The following JAK1 variants were observed in gnomAD, a reference collection of about 807,000 sequenced individuals.
The protein encoded by JAK1 is Janus kinase 1.
Under a neutral mutation model 136.6 loss-of-function variants are expected in JAK1, and 16 were observed. The ratio of observed to expected loss-of-function variants is 0.12; its 90% CI spans 0.08 to 0.18. The LOEUF is 0.18. Among genes scored for constraint, JAK1 ranks in the 10% least tolerant of loss-of-function variants. The pLI, the probability that JAK1 is intolerant of heterozygous loss-of-function variation, is 1.00. For missense variants in JAK1, 859 were observed against 1,450.1 expected (o/e 0.59, Z 6.62); for synonymous variants, 492 against 519.5 (o/e 0.95, Z 0.72).
At chr1:64,860,688 G>A (rs1351629220) in intron 8 of JAK1, among the ~76,000 whole-genome samples, 1 of 151,910 alleles carries the variant, frequency 6.6e-6, no homozygotes, top group Admixed American at 6.6e-5. Context: ...TCCTGACCTC[G>A]AGTGATCTCC....
intron 1 of JAK1, among the ~76,000 whole-genome samples, chr1:65,045,488 G>A (rs1037463328): frequency 2.0e-5 from 3 of 151,522 alleles, no homozygotes; most frequent in Non-Finnish European, 4.4e-5. Context: ...TGTGTGGTGG[G>A]AAGCATGAAA....
intron 1 of JAK1, among the ~76,000 whole-genome samples, chr1:65,063,208 T>A (rs902297622): frequency 2.4e-4 from 36 of 152,138 alleles, no homozygotes; most frequent in African/African-American, 6.7e-4. Context: ...GACAGATGAG[T>A]AGAATCACTA....
intron 1 of JAK1, among the ~76,000 whole-genome samples, chr1:64,918,038 C>T (rs998573950): frequency 6.6e-6 from 1 of 152,174 alleles, no homozygotes; most frequent in South Asian, 2.1e-4. Flanking sequence ...GGCATCACTG[C>T]CCTTTCCTTA....
chr1:64,913,923 G>A (rs1385028895), intron 1 of JAK1, among the ~76,000 whole-genome samples: 1 of 152,214 alleles, frequency 6.6e-6, no homozygotes, highest in African/African-American at 2.4e-5. Context: ...TTGAGAGCAT[G>A]TAGTGGTCCT....
intron 10 of JAK1, 118 bp downstream of exon 10, chr1:64,857,538 C>T: frequency 7.2e-7 from 1 of 1,382,978 alleles, no homozygotes; most frequent in Non-Finnish European, 9.9e-7. Flanking sequence ...TTCTCAGAGA[C>T]CCAGGCTTTT....
At chr1:64,902,751 C>T (rs180752823) in intron 1 of JAK1, among the ~76,000 whole-genome samples, 2 of 151,984 alleles carry the variant, frequency 1.3e-5, no homozygotes. Flanking sequence ...CACCAGACCC[C>T]AATACGCAGT....
intron 1 of JAK1, among the ~76,000 whole-genome samples, chr1:64,946,431 C>T (rs1377491705): frequency 1.3e-5 from 2 of 152,188 alleles, no homozygotes; most frequent in African/African-American, 2.4e-5. Flanking sequence ...ATGATCGGAC[C>T]TCATGCTCTT....
intron 4 of JAK1, among the ~76,000 whole-genome samples, chr1:64,874,861 G>A (rs1292602130): frequency 6.6e-6 from 1 of 152,152 alleles, no homozygotes; most frequent in South Asian, 2.1e-4. Flanking sequence ...GGCCTGAGAT[G>A]TGGAGGGCTC....
chr1:64,952,507 G>A (rs1159344602), intron 1 of JAK1, among the ~76,000 whole-genome samples: 1 of 152,034 alleles, frequency 6.6e-6, no homozygotes, highest in African/African-American at 2.4e-5. Flanking sequence ...CACCTGGCTG[G>A]GTTTATGAGT....
intron 2 of JAK1, chr1:64,985,565 G>T (rs553484899): frequency 1.7e-6 from 2 of 1,153,042 alleles, no homozygotes; most frequent in African/African-American, 1.5e-5. Context: ...CAGACCCCAG[G>T]ATGAATTCCA....
chr1:65,055,951 A>G (rs1324671169), intron 1 of JAK1, among the ~76,000 whole-genome samples: 1 of 152,192 alleles, frequency 6.6e-6, no homozygotes, highest in Non-Finnish European at 1.5e-5. Flanking sequence ...TTATAAAACT[A>G]GTAACGGGGA....
chr1:64,921,478 C>T (rs1570777831), intron 1 of JAK1, among the ~76,000 whole-genome samples: 1 of 152,166 alleles, frequency 6.6e-6, no homozygotes, highest in Admixed American at 6.5e-5. Context: ...ATTAACTTAA[C>T]TGATTTCCAG....
chr1:65,007,563 C>G (rs997772343), intron 2 of JAK1, among the ~76,000 whole-genome samples: 1 of 151,944 alleles, frequency 6.6e-6, no homozygotes, highest in Admixed American at 6.6e-5. Flanking sequence ...CATGTTCAAG[C>G]AATTCTCTTG....
chr1:64,862,754 TCTGGGGG>T (rs1211193061), intron 8 of JAK1, among the ~76,000 whole-genome samples: 1 of 152,196 alleles, frequency 6.6e-6, no homozygotes, highest in African/African-American at 2.4e-5. Context: ...CTTCGGGGTC[TCTGGGGG>T]ATGATAACGC....
At chr1:65,028,252 A>G (rs1646994567) in intron 2 of JAK1, among the ~76,000 whole-genome samples, 1 of 151,924 alleles carries the variant, frequency 6.6e-6, no homozygotes, top group Non-Finnish European at 1.5e-5. Flanking sequence ...ATCCCCTCAC[A>G]ATTCTTATTC....
rs1490687946 is a variant in JAK1, at chr1:64,846,688, T to A, written c.1948A>T (p.Ile650Phe). ...ACACAGACGCCATAGAGGTACACGA[T>A]GTGTTTGTGGGAGACCTGTCTCATC... ...SMMRQVSHKH[I>F]VYLYGVCVRD... The change falls in exon 14 of 25, where the codon ATC (isoleucine) becomes TTC (phenylalanine). Residue 650 changes from isoleucine to phenylalanine, a missense_variant. By Grantham distance (21) the Ile-to-Phe change is conservative (BLOSUM62 0). Around this residue, in one of 4 missense-constraint regions of JAK1, gnomAD observed 409 missense variants for 753.8 expected, o/e 0.54. Coordinates refer to ENST00000342505, the MANE Select transcript of JAK1 (RefSeq NM_002227.4). 6.2e-7 allele frequency: 1 copy of A among 1,613,882 alleles called. No individual in the cohort carries two copies. Among genetic ancestry groups the A allele is most frequent in the East Asian group, 2.2e-5 (1 of 44,856 alleles).
intron 1 of JAK1, among the ~76,000 whole-genome samples, chr1:64,959,701 A>G (rs1196925477): frequency 6.6e-6 from 1 of 152,242 alleles, no homozygotes; most frequent in Non-Finnish European, 1.5e-5. Flanking sequence ...CTTAAAAATA[A>G]GAGTAAAACC....
chr1:64,887,248 G>A (rs550010112), intron 1 of JAK1, among the ~76,000 whole-genome samples: 36 of 152,162 alleles, frequency 2.4e-4, no homozygotes, highest in Non-Finnish European at 4.3e-4. Context: ...TGGAAAGCCC[G>A]GCAGGGGAGA....
At position 64,984,987 on chromosome 1, in the gene JAK1, A is replaced by G; in HGVS notation, c.-78+59493T>C. ...TTCAAAGAAGACCACAAAGACCAAG[A>G]TAGCCCCAATACAGACAAAGCTTAT... On this transcript the variant is annotated intron_variant, in intron 2 of 25. Transcript: ENST00000671954. The surrounding 1 kb of genome is among the most constrained non-coding windows in gnomAD (Gnocchi z 4.1). 2.3e-6 allele frequency: 2 copies of G among 882,908 alleles called. No individual in the cohort carries two copies. Among genetic ancestry groups the G allele is most frequent in the Admixed American group, 1.7e-5 (1 of 57,998 alleles). The allele number at this position is 882,908 out of a possible 1,614,324, so 54.7% of individuals were successfully genotyped here. A position where few individuals can be genotyped will look rare whatever the true frequency, so the allele number is the denominator to read the frequency against.
Sources: gnomAD v4.1 joint callset for allele counts (sites outside exome capture counted in the v4.1 genomes callset) on GRCh38, gnomAD v4.1.1 for gene constraint, gnomAD v4.1.1 regional missense constraint, Gnocchi (gnomAD v3.1) non-coding constraint, MANE v1.5 for transcripts, NCBI Gene and HGNC (gene_info 2026-07-23, HGNC 2026-07-21) for gene names.